The following ABCA4 variants were observed in gnomAD, a reference collection of about 807,000 sequenced individuals.
ABCA4 encodes the protein ATP binding cassette subfamily A member 4, also known as retinal-specific phospholipid-transporting ATPase ABCA4.
Under a neutral mutation model 263.7 loss-of-function variants are expected in ABCA4, and 196 were observed. The observed-to-expected ratio is 0.74, with a 90% CI of 0.66 to 0.84. The LOEUF (loss-of-function observed/expected upper bound fraction) is 0.84, where lower values mean the gene tolerates loss of function less well. Among genes scored for constraint, ABCA4 ranks in the 40% least tolerant of loss-of-function variants. The pLI, the probability that ABCA4 is intolerant of heterozygous loss-of-function variation, is 0.00. For synonymous variants in ABCA4, 1,133 were observed against 1,094.2 expected (o/e 1.04, Z -0.70); for missense variants, 2,792 against 2,855.1 (o/e 0.98, Z 0.50).
At chr1:94,055,575 A>G (rs1281944478) in intron 15 of ABCA4, among the ~76,000 whole-genome samples, 1 of 152,176 alleles carries the variant, frequency 6.6e-6, no homozygotes, top group Non-Finnish European at 1.5e-5. Flanking sequence ...CCTAATCCAC[A>G]GTTGCTAGAC....
In ABCA4 at chr1:94,113,788, T is replaced by C. The variant is rs193210173; in HGVS notation, c.67-722A>G. The stretch of plus-strand genomic sequence containing the variant: ...GGGCACACTGCCATGGGTTTTTACA[T>C]TGGAAGAGGCTGCTGATGTTAACAT... On this transcript the variant is annotated intron_variant, in intron 1 of 49. Coordinates refer to ENST00000370225, the MANE Select transcript of ABCA4 (RefSeq NM_000350.3). 3.7e-4 allele frequency among the ~76,000 whole-genome samples: 57 copies of C among 152,390 alleles called. No homozygotes were observed. The Middle Eastern group carries it at 0.014, about 36-fold the overall frequency.
At chr1:94,071,099 T>G (rs1028355222) in intron 11 of ABCA4, among the ~76,000 whole-genome samples, 1 of 152,210 alleles carries the variant, frequency 6.6e-6, no homozygotes, top group Admixed American at 6.5e-5. Context: ...ATGTTTTGAA[T>G]TGGATTTGTA....
intron 42 of ABCA4, 67 bp downstream of exon 42, chr1:94,008,168 G>A (rs1368414408): frequency 8.5e-6 from 12 of 1,413,052 alleles, no homozygotes; most frequent in Admixed American, 1.7e-5. Flanking sequence ...CTGCCTTATG[G>A]GGAGGAGAGG....
chr1:94,089,277 T>C (rs1419410333), intron 6 of ABCA4, among the ~76,000 whole-genome samples: 2 of 152,346 alleles, frequency 1.3e-5, no homozygotes, highest in Non-Finnish European at 2.9e-5. Flanking sequence ...TGTGAATACT[T>C]AGAAGTGTTT....
intron 47 of ABCA4, among the ~76,000 whole-genome samples, chr1:94,000,239 G>A (rs1043067932): frequency 1.3e-5 from 2 of 152,180 alleles, no homozygotes; most frequent in African/African-American, 2.4e-5. Flanking sequence ...GAATGAGCAC[G>A]GCAATATGCT....
intron 4 of ABCA4, among the ~76,000 whole-genome samples, chr1:94,107,978 G>A (rs1177620250): frequency 6.6e-6 from 1 of 151,986 alleles, no homozygotes. Context: ...CTTGATGCAT[G>A]TAGTCCAGTC....
Position 94,037,205 on chromosome 1 carries a change from CT to C in ABCA4, c.3752del (p.Glu1251GlyfsTer24). ...TGAGACCAAGGTCAGCCAGCGTCTCCTCCAGCTCTCTGAAAAGGCTGGCATA... is the reference window on the plus strand; with the variant it reads ...TGAGACCAAGGTCAGCCAGCGTCTCCCCAGCTCTCTGAAAAGGCTGGCATA... The part of the protein sequence containing the change: ...RAYASLFREL[E>X]ETLADLGLSS... On this transcript the variant is annotated frameshift_variant, in exon 25 of 50. Coordinates refer to ENST00000370225, the MANE Select transcript of ABCA4 (RefSeq NM_000350.3). LOFTEE classifies it high-confidence loss of function. The C allele has an allele frequency of 6.2e-7, 1 of 1,614,230 alleles. No individual in the cohort carries two copies. Among genetic ancestry groups the C allele is most frequent in the Non-Finnish European group, 8.5e-7 (1 of 1,180,044 alleles).
rs794727903 is a variant in ABCA4, at chr1:94,080,697, G to A, written c.880C>T (p.Gln294Ter). Residue 294 changes from glutamine (Q) to a stop codon, truncating the protein, a stop_gained, in exon 8 of 50, where the codon CAG becomes TAG. Transcript: ENST00000370225. LOFTEE classifies it high-confidence loss of function. Reference sequence around the variant, plus strand: ...GGCCTGGTCACCCACAGCAAGTCCTGCATACTCGGCCGATGGATAAACTAG... The same window carrying A: ...GGCCTGGTCACCCACAGCAAGTCCTACATACTCGGCCGATGGATAAACTAG... ...IQEFIHRPSM[Q>*]DLLWVTRPLM... is the part of the protein sequence containing the mutation. 3 of 1,614,118 alleles carry A rather than the reference G, an allele frequency of 1.9e-6. No homozygotes were observed. The East Asian group carries it at 6.7e-5, about 36-fold the overall frequency.
rs1425552175 is a variant in ABCA4, at chr1:94,021,713, C to T, written c.4775G>A (p.Gly1592Asp). ...DLGRIMNVSGGPITREASKEI... is the reference protein window; with the variant it reads ...DLGRIMNVSGDPITREASKEI... The stretch of plus-strand genomic sequence containing the variant: ...TTTAGAGGCCTCTCTAGTGATAGGG[C>T]CCTAAAAACCATGTAAACAAACAAA... The change falls in exon 34 of 50, where the codon GGC (glycine) becomes GAC (aspartate). Residue 1592 changes from glycine (G) to aspartate (D), a missense_variant and splice_region_variant. Coordinates refer to ENST00000370225, the MANE Select transcript of ABCA4 (RefSeq NM_000350.3). The T allele has an allele frequency of 3.1e-6, 5 of 1,610,310 alleles. No individual in the cohort carries two copies. The highest frequency in any genetic ancestry group is 2.7e-5 in the African/African-American group (2 of 74,756).
chr1:94,068,041 CA>C (rs146165755), intron 11 of ABCA4, among the ~76,000 whole-genome samples: 1,693 of 152,280 alleles, frequency 0.011, 35 homozygotes, highest in African/African-American at 0.038. Context: ...AGCTGTTTAT[CA>C]GGGGAGGAAG....
At chr1:93,994,326 A>G (rs1330827975) in intron 49 of ABCA4, among the ~76,000 whole-genome samples, 1 of 152,244 alleles carries the variant, frequency 6.6e-6, no homozygotes, top group Admixed American at 6.5e-5. Context: ...GTTTTCCAGG[A>G]TGGAGTCCTT....
chr1:94,079,310 C>A lies in ABCA4; in HGVS notation c.1239+12G>T. On this transcript the variant is annotated intron_variant, in intron 9 of 49. Coordinates refer to ENST00000370225, the MANE Select transcript of ABCA4 (RefSeq NM_000350.3). ...TCCAGGGTACACAAGGCAAGCCCAG[C>A]TGGGATCTTACATTCTTCAGTATCC... is the stretch of plus-strand genomic sequence containing the variant. 6.2e-7 allele frequency: 1 copy of A among 1,614,128 alleles called. No individual in the cohort carries two copies. Among genetic ancestry groups the A allele is most frequent in the Non-Finnish European group, 8.5e-7 (1 of 1,180,010 alleles).
intron 25 of ABCA4, 22 bp from the exon 26 acceptor site, chr1:94,036,810 A>G (rs1276110231): frequency 1.2e-6 from 2 of 1,612,490 alleles, no homozygotes; most frequent in East Asian, 2.2e-5. Flanking sequence ...AAAAAAAGAG[A>G]GAATTTTGTT....
chr1:94,052,562 C>T (rs1422945658), intron 16 of ABCA4, among the ~76,000 whole-genome samples: 4 of 152,202 alleles, frequency 2.6e-5, no homozygotes, highest in African/African-American at 9.7e-5. Context: ...AAAGCTTTAG[C>T]TTGGCTAAAA....
intron 12 of ABCA4, 106 bp from the exon 13 acceptor site, chr1:94,062,859 T>C (rs1661169753): frequency 8.5e-6 from 11 of 1,294,760 alleles, no homozygotes; most frequent in Non-Finnish European, 1.1e-5. Context: ...ATCTTTCTCC[T>C]AAACGCTTCA....
At chr1:94,098,264 T>A (rs1022936509) in intron 6 of ABCA4, among the ~76,000 whole-genome samples, 1 of 152,232 alleles carries the variant, frequency 6.6e-6, no homozygotes, top group Non-Finnish European at 1.5e-5. Context: ...CTGTCGTTTT[T>A]TCTCTCTAGA....
chr1:94,073,693 G>A (rs1380895230), intron 11 of ABCA4, among the ~76,000 whole-genome samples: 3 of 152,138 alleles, frequency 2.0e-5, no homozygotes, highest in Admixed American at 1.3e-4. Context: ...AACCATTTAA[G>A]CAATTAATAT....
In ABCA4 at chr1:94,060,721, A is replaced by G. The variant is rs1375584794; in HGVS notation, c.1976T>C (p.Met659Thr). The G allele has an allele frequency of 1.2e-6, 2 of 1,613,830 alleles. No individual in the cohort carries two copies. The highest frequency in any genetic ancestry group is 2.7e-5 in the African/African-American group (2 of 74,926). The change falls in exon 14 of 50, where the codon ATG becomes ACG. Residue 659 changes from methionine to threonine, a missense_variant. By Grantham distance (81) the Met-to-Thr change is moderately conservative. Transcript: ENST00000370225. ...IILNRCFPIF[M>T]VLAWIYSVSM... ...GACAGAGTAGATCCATGCCAGCACC[A>G]TGAAGATAGGGAAACAGCGGTTCAG...
chr1:94,056,899 TC>T, intron 14 of ABCA4, 77 bp from the exon 15 acceptor site: 1 of 1,198,562 alleles, frequency 8.3e-7, no homozygotes, highest in Non-Finnish European at 1.2e-6. Flanking sequence ...AAGGGCTCTC[TC>T]CCACCAGCCT....
Sources: gnomAD v4.1 joint callset for allele counts (sites outside exome capture counted in the v4.1 genomes callset) on GRCh38, gnomAD v4.1.1 for gene constraint, MANE v1.5 for transcripts, NCBI Gene and HGNC (gene_info 2026-07-23, HGNC 2026-07-21) for gene names.